Variants in CRYBA4 observed in about 807,000 individuals in gnomAD.
CRYBA4 encodes the protein beta-crystallin A4.
Under a neutral mutation model 31.7 loss-of-function variants are expected in CRYBA4, and 30 were observed. That is an observed-to-expected ratio of 0.95 (90% CI 0.71 to 1.28). The LOEUF is 1.28. Ranked by LOEUF, CRYBA4 falls within the 50% of genes most tolerant of loss-of-function variation. The pLI, the probability that CRYBA4 is intolerant of heterozygous loss-of-function variation, is 0.00. For synonymous variants in CRYBA4, 102 were observed against 102.3 expected (o/e 1.00, Z 0.02); for missense variants, 225 against 260.7 (o/e 0.86, Z 0.94).
upstream of CRYBA4, among the ~76,000 whole-genome samples, chr22:26,619,980 A>C (rs567059815): frequency 1.5e-4 from 21 of 138,028 alleles, no homozygotes; most frequent in Admixed American, 9.3e-4. Flanking sequence ...GAGCCAATTT[A>C]TTTTCTTTTC....
rs781633514 is a variant in CRYBA4 at position 26,630,524 on chromosome 22, T to C, written c.*37T>C. On this transcript the variant is annotated 3_prime_UTR_variant, in exon 6 of 6. Transcript: ENST00000354760. ...GCACGGAGGAGCGCATGCGTGCTTA[T>C]CTGCAATGGAGGCGCTCTGGAGGCT... The C allele has an allele frequency of 1.0e-5, 16 of 1,590,436 alleles. No individual in the cohort carries two copies. Among genetic ancestry groups the C allele is most frequent in the Non-Finnish European group, 1.4e-5 (16 of 1,166,144 alleles).
chr22:26,591,656 G>C, the CRYBA4 span, among the ~76,000 whole-genome samples: 1 of 150,138 alleles, frequency 6.7e-6, no homozygotes, highest in East Asian at 2.0e-4. Flanking sequence ...CAGAAGAATC[G>C]CTTGAACCCA....
chr22:26,626,438 AACAAAC>A (rs1929707618), intron 4 of CRYBA4, among the ~76,000 whole-genome samples: 1 of 152,152 alleles, frequency 6.6e-6, no homozygotes, highest in African/African-American at 2.4e-5. Context: ...AAAACAAACA[AACAAAC>A]ACAAAAACAA....
At chr22:26,611,805 A>G in the CRYBA4 span, among the ~76,000 whole-genome samples, 1 of 152,020 alleles carries the variant, frequency 6.6e-6, no homozygotes, top group Non-Finnish European at 1.5e-5. Flanking sequence ...TAGAAGCAGC[A>G]TTTCTCCAGA....
rs1381627864 is a variant in CRYBA4, at chr22:26,630,438, C to G, written c.542C>G (p.Ser181Cys). 13 of 1,613,710 alleles carry G rather than the reference C, an allele frequency of 8.1e-6. No homozygotes were observed. In the Admixed American group the frequency reaches 1.0e-4, roughly 12 times the overall value. ...TACAAACATTTCCGGGAGTGGGGCT[C>G]TCATGCCCCGACCTTCCAGGTGCAG... ...GDYKHFREWG[S>C]HAPTFQVQSI... The change falls in exon 6 of 6, where the codon TCT becomes TGT. Residue 181 changes from serine (S) to cysteine (C), a missense_variant. Physicochemically the swap from Ser to Cys is moderately radical, Grantham distance 112. Transcript: ENST00000354760.
chr22:26,601,219 G>A, the CRYBA4 span, among the ~76,000 whole-genome samples: 1 of 152,294 alleles, frequency 6.6e-6, no homozygotes, highest in Admixed American at 6.5e-5. Flanking sequence ...TGTCTGGCAT[G>A]GTCATTTGGA....
rs118094699 is a variant in CRYBA4, at chr22:26,624,538, T to A, written c.159-943T>A. 1.2e-3 allele frequency among the ~76,000 whole-genome samples: 178 copies of A among 152,320 alleles called. 2 individuals are homozygous for A. In the East Asian group the frequency reaches 0.032, roughly 27 times the overall value. ...CACCTGTGAGTGCCACCTGAGGTCA[T>A]CTTGGGTGATTTTTGCACATCTCAT... On this transcript the variant is annotated intron_variant, in intron 3 of 5. Transcript: ENST00000354760.
chr22:26,595,656 T>G, the CRYBA4 span, among the ~76,000 whole-genome samples: 1 of 152,134 alleles, frequency 6.6e-6, no homozygotes, highest in South Asian at 2.1e-4. Context: ...TTTAATTTTT[T>G]GTAGAGATGG....
chr22:26,602,045 G>C, the CRYBA4 span: 2 of 1,612,352 alleles, frequency 1.2e-6, no homozygotes, highest in African/African-American at 2.7e-5. Context: ...GGCCGGGTCA[G>C]GTGTGTGAAG....
the CRYBA4 span, among the ~76,000 whole-genome samples, chr22:26,613,098 C>G: frequency 1.3e-5 from 2 of 152,222 alleles, no homozygotes; most frequent in Non-Finnish European, 2.9e-5. Context: ...GCCCCAGTAC[C>G]TGCCACAGAG....
At chr22:26,622,535 G>A (rs2145978163) in intron 1 of CRYBA4, 50 bp from the exon 2 acceptor site, 1 of 1,514,652 alleles carries the variant, frequency 6.6e-7, no homozygotes, top group East Asian at 2.3e-5. Context: ...TGCATAAAGA[G>A]GAGAGCAGAG....
At chr22:26,620,260 A>G (rs1929492215), upstream of CRYBA4, among the ~76,000 whole-genome samples, 2 of 152,204 alleles carry the variant, frequency 1.3e-5, no homozygotes, top group Non-Finnish European at 2.9e-5. Flanking sequence ...AGCAATGGTG[A>G]TGATGAAGAT....
At chr22:26,592,136 C>A in the CRYBA4 span, among the ~76,000 whole-genome samples, 1 of 152,134 alleles carries the variant, frequency 6.6e-6, no homozygotes, top group African/African-American at 2.4e-5. Context: ...TTATTGCGTG[C>A]ATGTTAGAGA....
At chr22:26,615,633 C>A in the CRYBA4 span, among the ~76,000 whole-genome samples, 1 of 152,156 alleles carries the variant, frequency 6.6e-6, no homozygotes, top group Non-Finnish European at 1.5e-5. Flanking sequence ...CCTGCCTCAG[C>A]CTCCCAAGTA....
the CRYBA4 span, among the ~76,000 whole-genome samples, chr22:26,594,392 C>T: frequency 1.3e-5 from 2 of 152,270 alleles, no homozygotes; most frequent in East Asian, 1.9e-4. Context: ...TACACACTGC[C>T]GGCGTTGGGC....
chr22:26,602,429 A>T, the CRYBA4 span, among the ~76,000 whole-genome samples: 170 of 149,858 alleles, frequency 1.1e-3, 1 homozygote, highest in African/African-American at 3.3e-3. Flanking sequence ...CAAAAAAATA[A>T]TTTTTTTTTT....
At chr22:26,606,879 T>C in the CRYBA4 span, among the ~76,000 whole-genome samples, 1 of 152,214 alleles carries the variant, frequency 6.6e-6, no homozygotes, top group Non-Finnish European at 1.5e-5. Flanking sequence ...TGGAAAAAAC[T>C]GTGAATCACT....
intron 2 of CRYBA4, among the ~76,000 whole-genome samples, 175 bp downstream of exon 2, chr22:26,622,810 T>C (rs1929574428): frequency 6.6e-6 from 1 of 152,208 alleles, no homozygotes; most frequent in Non-Finnish European, 1.5e-5. Context: ...ATTTGGGTCT[T>C]CTGGTTCCCA....
chr22:26,627,568 GTCTTTCTTTT>G (rs1030623466), intron 4 of CRYBA4, among the ~76,000 whole-genome samples: 2 of 86,262 alleles, frequency 2.3e-5, no homozygotes, highest in African/African-American at 4.1e-5. Context: ...TTCATTCTCT[GTCTTTCTTTT>G]TCTTTCTTTT....
Sources: gnomAD v4.1 joint callset for allele counts (sites outside exome capture counted in the v4.1 genomes callset) on GRCh38, gnomAD v4.1.1 for gene constraint, MANE v1.5 for transcripts, NCBI Gene and HGNC (gene_info 2026-07-23, HGNC 2026-07-21) for gene names.